The following GAA variants were observed in gnomAD, a reference collection of about 807,000 sequenced individuals.
The protein encoded by GAA is lysosomal alpha-glucosidase.
A neutral mutation model predicts 103.9 loss-of-function variants in GAA; 88 were observed. That is an observed-to-expected ratio of 0.85 (90% CI 0.71 to 1.01). The LOEUF (loss-of-function observed/expected upper bound fraction) is 1.01. GAA is among the 50% of genes least tolerant of loss of function. GAA has a pLI of 0.00. For missense variants in GAA, 1,350 were observed against 1,305.3 expected (o/e 1.03, Z -0.53); for synonymous variants, 572 against 563.1 (o/e 1.02, Z -0.22).
intron 15 of GAA, among the ~76,000 whole-genome samples, chr17:80,116,581 G>A (rs1358174735): frequency 6.6e-6 from 1 of 152,218 alleles, no homozygotes; most frequent in Non-Finnish European, 1.5e-5. Context: ...TGTGGGACTG[G>A]GAGGATCTTT....
chr17:80,118,244 G>A lies in GAA; in HGVS notation c.2533G>A (p.Val845Met). The A allele has an allele frequency of 6.2e-7, 1 of 1,612,620 alleles. No individual in the cohort carries two copies. Among genetic ancestry groups the A allele is most frequent in the Non-Finnish European group, 8.5e-7 (1 of 1,179,476 alleles). ...ESRQQPMALA[V>M]ALTKGGEARG... ...CCGCCAGCAGCCCATGGCCCTGGCT[G>A]TGGCCCTGACCAAGGGTGGGGAGGC... Residue 845 changes from valine to methionine, a missense_variant, in exon 18 of 20, where the codon GTG becomes ATG. By Grantham distance (21) the Val-to-Met change is conservative (BLOSUM62 1). Coordinates refer to ENST00000302262, the MANE Select transcript of GAA (RefSeq NM_000152.5).
At chr17:80,111,065 T>C (rs1479427235) in intron 11 of GAA, 40 bp downstream of exon 11, 1 of 1,583,372 alleles carries the variant, frequency 6.3e-7, no homozygotes, top group South Asian at 1.1e-5. Flanking sequence ...CTTAATCAAA[T>C]CAGAGACTCC....
At chr17:80,117,886 C>A in intron 17 of GAA, 137 bp downstream of exon 17, 1 of 916,558 alleles carries the variant, frequency 1.1e-6, no homozygotes, top group Non-Finnish European at 1.6e-6. Context: ...TATCAAGGAG[C>A]CAGCCAGGCC....
At position 80,108,381 on chromosome 17, in the gene GAA, C is replaced by T. The variant is rs138262940; in HGVS notation, c.1047C>T (p.Ser349=). 3.7e-5 allele frequency: 59 copies of T among 1,613,514 alleles called. No homozygotes were observed. Among genetic ancestry groups the T allele is most frequent in the Non-Finnish European group, 4.7e-5 (56 of 1,180,030 alleles). Residue 349 remains serine (S), a synonymous_variant, in exon 6 of 20, where the codon AGC becomes AGT. Coordinates refer to ENST00000302262, the MANE Select transcript of GAA (RefSeq NM_000152.5). Reference sequence around the variant, plus strand: ...TCTTCCTGGGCCCAGAGCCCAAGAGCGTGGTGCAGCAGTACCTGGACGTTG... The same window carrying T: ...TCTTCCTGGGCCCAGAGCCCAAGAGTGTGGTGCAGCAGTACCTGGACGTTG... ...VYIFLGPEPK[S]VVQQYLDVVG...
chr17:80,110,764 A>G lies in GAA; in HGVS notation c.1475A>G (p.Asn492Ser). 6.2e-7 allele frequency: 1 copy of G among 1,613,806 alleles called. No individual in the cohort carries two copies. Residue 492 changes from asparagine (N) to serine (S), a missense_variant, in exon 10 of 20, where the codon AAC (asparagine) becomes AGC (serine). Transcript: ENST00000302262. ...TCCACTGCCTTCCCCGACTTCACCA[A>G]CCCCACAGCCCTGGCCTGGTGGGAG... ...PGSTAFPDFT[N>S]PTALAWWEDM... is the part of the protein sequence containing the mutation.
In GAA at chr17:80,112,652, C is replaced by T; in HGVS notation, c.1829C>T (p.Ala610Val). 1 of 1,612,770 alleles carries T rather than the reference C, an allele frequency of 6.2e-7. No homozygotes were observed. Among genetic ancestry groups the T allele is most frequent in the Non-Finnish European group, 8.5e-7 (1 of 1,179,880 alleles). Residue 610 changes from alanine (A) to valine (V), a missense_variant, in exon 13 of 20, where the codon GCC (alanine) becomes GTC (valine). Ala to Val is a moderately conservative substitution (Grantham distance 64). Transcript: ENST00000302262. ...RSTFAGHGRYAGHWTGDVWSS... is the reference protein window; with the variant it reads ...RSTFAGHGRYVGHWTGDVWSS... ...ACCTTTGCTGGCCACGGCCGATACG[C>T]CGGCCACTGGACGGGGGACGTGTGG...
chr17:80,106,096 C>G (rs994274351), intron 3 of GAA, among the ~76,000 whole-genome samples: 1 of 152,188 alleles, frequency 6.6e-6, no homozygotes, highest in Non-Finnish European at 1.5e-5. Context: ...CCCATGTAAA[C>G]ACGTGTTCAG....
At chr17:80,117,474 C>T in intron 16 of GAA, 126 bp from the exon 17 acceptor site, 1 of 1,131,246 alleles carries the variant, frequency 8.8e-7, no homozygotes, top group Non-Finnish European at 1.3e-6. Context: ...AGTCACAGTT[C>T]AGCCCGTCTG....
chr17:80,107,748 G>T (rs111888302), intron 4 of GAA, 26 bp downstream of exon 4: 3 of 1,610,400 alleles, frequency 1.9e-6, no homozygotes, highest in East Asian at 4.5e-5. Flanking sequence ...GCGGGCGGGG[G>T]CACTGAGCTG....
In GAA at chr17:80,114,464, A is replaced by G. The variant is rs372629015; in HGVS notation, c.2189+1098A>G. Among the ~76,000 whole-genome samples, 2 of 150,946 alleles carry G rather than the reference A, an allele frequency of 1.3e-5. No individual in the cohort carries two copies. The highest frequency in any genetic ancestry group is 4.2e-4 in the South Asian group (2 of 4,784). ...AGTGGTTGCCCTAGGGATTACAATT[A>G]ACATCTTAATTTTAGCCTCGTTGGA... On this transcript the variant is annotated intron_variant, in intron 15 of 19. Coordinates refer to ENST00000302262, the MANE Select transcript of GAA (RefSeq NM_000152.5).
chr17:80,112,488 G>A, intron 12 of GAA, 90 bp from the exon 13 acceptor site: 2 of 1,525,986 alleles, frequency 1.3e-6, no homozygotes, highest in Non-Finnish European at 1.8e-6. Context: ...ATCCCAGAAA[G>A]CTCCTTGCTC....
intron 15 of GAA, 148 bp downstream of exon 15, chr17:80,113,514 G>C (rs2039296170): frequency 1.3e-6 from 1 of 742,100 alleles, no homozygotes; most frequent in East Asian, 2.8e-5. Flanking sequence ...CTGGCTTAAG[G>C]GGGAAGGGCA....
chr17:80,112,471 C>T, intron 12 of GAA, 107 bp from the exon 13 acceptor site: 1 of 1,424,160 alleles, frequency 7.0e-7, no homozygotes, highest in Non-Finnish European at 9.8e-7. Flanking sequence ...TCCCCAGCCT[C>T]TGCCTCATCC....
intron 15 of GAA, chr17:80,116,761 C>G: frequency 1.6e-6 from 1 of 623,396 alleles, no homozygotes; most frequent in South Asian, 1.8e-5. Context: ...CCGGCATGTC[C>G]GGGGAGAAGG....
Position 80,112,615 on chromosome 17 carries a change from A to G in GAA, c.1792A>G (p.Ile598Val), listed in dbSNP as rs926937233. 6.2e-7 allele frequency: 1 copy of G among 1,612,742 alleles called. No homozygotes were observed. The highest frequency in any genetic ancestry group is 1.3e-5 in the African/African-American group (1 of 74,884). ...VKARGTRPFV[I>V]SRSTFAGHGR... is the part of the protein sequence containing the mutation. ...GGCTCGGGGGACACGCCCATTTGTGATCTCCCGCTCGACCTTTGCTGGCCA... is the reference window on the plus strand; with the variant it reads ...GGCTCGGGGGACACGCCCATTTGTGGTCTCCCGCTCGACCTTTGCTGGCCA... The change falls in exon 13 of 20, where the codon ATC (isoleucine) becomes GTC (valine). Residue 598 changes from isoleucine to valine, a missense_variant. Physicochemically the swap from Ile to Val is conservative, Grantham distance 29 (BLOSUM62 3). Coordinates refer to ENST00000302262, the MANE Select transcript of GAA (RefSeq NM_000152.5).
intron 17 of GAA, 67 bp from the exon 18 acceptor site, chr17:80,118,126 C>G: frequency 6.4e-7 from 1 of 1,565,642 alleles, no homozygotes; most frequent in South Asian, 1.1e-5. Flanking sequence ...CTAGCATTCC[C>G]GGGCCCTGGA....
chr17:80,114,112 C>T lies in GAA; in HGVS notation c.2189+746C>T, dbSNP rs1474129386. 2.2e-4 allele frequency among the ~76,000 whole-genome samples: 32 copies of T among 144,936 alleles called. No individual in the cohort carries two copies. The South Asian group carries it at 6.7e-3, about 31-fold the overall frequency. ...GAGAAAAAAAAAAAAAAAAGGTGAACTTTATTTGACCATAGCAGAAAAAAA... is the reference window on the plus strand; with the variant it reads ...GAGAAAAAAAAAAAAAAAAGGTGAATTTTATTTGACCATAGCAGAAAAAAA... On this transcript the variant is annotated intron_variant, in intron 15 of 19. Coordinates refer to ENST00000302262, the MANE Select transcript of GAA (RefSeq NM_000152.5).
intron 8 of GAA, among the ~76,000 whole-genome samples, chr17:80,109,145 T>C (rs1354746744): frequency 6.6e-6 from 1 of 152,062 alleles, no homozygotes; most frequent in Admixed American, 6.5e-5. Context: ...GAGGGCCCGG[T>C]GGGCCTGGGC....
At chr17:80,108,437 C>T in intron 6 of GAA, 28 bp downstream of exon 6, 2 of 1,613,234 alleles carry the variant, frequency 1.2e-6, no homozygotes, top group Non-Finnish European at 1.7e-6. Flanking sequence ...GCCGCGGCCC[C>T]CGCCCCAAGG....
Sources: allele counts gnomAD v4.1 joint callset (sites outside exome capture counted in the v4.1 genomes callset), GRCh38; gene constraint gnomAD v4.1.1; transcripts MANE v1.5; gene names NCBI Gene and HGNC (gene_info 2026-07-23, HGNC 2026-07-21).